PFKP: variants seen among roughly 807,000 people sequenced by gnomAD.
The protein encoded by PFKP is phosphofructokinase, platelet, also known as ATP-dependent 6-phosphofructokinase, platelet type.
A neutral mutation model predicts 94.3 loss-of-function variants in PFKP; 101 were observed. The observed-to-expected ratio is 1.07, with a 90% CI of 0.91 to 1.26. The LOEUF is 1.26. PFKP is among the 50% of genes most tolerant of loss of function. The pLI is 0.00. For missense variants in PFKP, 1,145 were observed against 1,103.3 expected, an observed-to-expected ratio of 1.04 and a Z score of -0.53; for synonymous variants, 573 against 432.6, an observed-to-expected ratio of 1.32 and a Z score of -4.03.
At chr10:3,125,828 C>G (rs1837889831) in intron 16 of PFKP, among the ~76,000 whole-genome samples, 1 of 152,222 alleles carries the variant, frequency 6.6e-6, no homozygotes, top group East Asian at 1.9e-4. Context: ...CTCTGACCTA[C>G]CTCTATGGTC....
intron 2 of PFKP, 110 bp downstream of exon 2, chr10:3,082,571 G>C (rs1833170534): frequency 4.6e-6 from 3 of 645,684 alleles, no homozygotes; most frequent in Admixed American, 3.2e-5. Flanking sequence ...CAGCCGAAGA[G>C]GTGGGCAGGG....
At chr10:3,133,849 C>T (rs898141569) in intron 19 of PFKP, among the ~76,000 whole-genome samples, 5 of 152,084 alleles carry the variant, frequency 3.3e-5, no homozygotes, top group Non-Finnish European at 5.9e-5. Flanking sequence ...ACAGTGATAC[C>T]CCCATTACTT....
chr10:3,108,641 A>G, intron 8 of PFKP, 60 bp from the exon 9 acceptor site: 1 of 1,265,288 alleles, frequency 7.9e-7, no homozygotes, highest in East Asian at 2.3e-5. Flanking sequence ...ACCTCCTTCC[A>G]GATCTGGGCT....
At chr10:3,070,351 C>T (rs527798148) in intron 1 of PFKP, 1 of 152,296 alleles carries the variant, frequency 6.6e-6, no homozygotes, top group African/African-American at 2.4e-5. Flanking sequence ...TCTCAGTGTC[C>T]CCATTCTTTT....
intron 1 of PFKP, among the ~76,000 whole-genome samples, chr10:3,075,230 G>C (rs1832486416): frequency 6.6e-6 from 1 of 151,616 alleles, no homozygotes; most frequent in Admixed American, 6.6e-5. Flanking sequence ...CTGGGCGTTA[G>C]GGCCGTTATG....
rs1033262232 is a variant in PFKP at position 3,099,493 on chromosome 10, T to C, written c.264+141T>C. 1.3e-5 allele frequency: 9 copies of C among 687,556 alleles called. No homozygotes were observed. In the Admixed American group the frequency reaches 1.7e-4, roughly 13 times the overall value. 42.6% of individuals were successfully genotyped at this position (687,556 alleles called of 1,614,324 possible). The stretch of plus-strand genomic sequence containing the variant: ...ACAGACTTTGTGAGCAGCTCTTTAC[T>C]TGTGGTTTGATTTTTAGAAATGCAT... On this transcript the variant is annotated intron_variant, in intron 3 of 21. Transcript: ENST00000381125.
chr10:3,126,739 A>G (rs1437304599), intron 16 of PFKP, among the ~76,000 whole-genome samples: 1 of 152,236 alleles, frequency 6.6e-6, no homozygotes, highest in Non-Finnish European at 1.5e-5. Flanking sequence ...TTCACCACCA[A>G]TTTATATTTC....
intron 16 of PFKP, 62 bp from the exon 17 acceptor site, chr10:3,129,757 T>C (rs1838347610): frequency 6.3e-7 from 1 of 1,575,656 alleles, no homozygotes; most frequent in Non-Finnish European, 8.7e-7. Context: ...TTGGGGGAGC[T>C]CTGGGATGGT....
chr10:3,100,930 G>C, intron 3 of PFKP: 2 of 1,607,996 alleles, frequency 1.2e-6, no homozygotes, highest in African/African-American at 1.4e-5. Flanking sequence ...GGTGCTGTAA[G>C]GGGTGACTGG....
chr10:3,075,105 A>C (rs1249709253), intron 1 of PFKP, among the ~76,000 whole-genome samples: 1 of 152,250 alleles, frequency 6.6e-6, no homozygotes, highest in East Asian at 1.9e-4. Flanking sequence ...GCATGTCCTT[A>C]AGGCACATAT....
chr10:3,111,737 C>G (rs933035335), intron 10 of PFKP, among the ~76,000 whole-genome samples: 1 of 152,140 alleles, frequency 6.6e-6, no homozygotes, highest in Non-Finnish European at 1.5e-5. Context: ...GTCCCAGCCC[C>G]GTGTCCCAGG....
rs545874542 is a variant in PFKP, at chr10:3,136,391, C to T, written c.2226-59C>T. Reference sequence around the variant, plus strand: ...AAGACCGCTCGCTGTGCTGGCCAGGCGGAGGCATCTCCCGCCAGTGACTGC... The same window carrying T: ...AAGACCGCTCGCTGTGCTGGCCAGGTGGAGGCATCTCCCGCCAGTGACTGC... On this transcript the variant is annotated intron_variant, in intron 21 of 21. Transcript: ENST00000381125. The T allele has an allele frequency of 2.3e-4, 371 of 1,588,020 alleles. 3 individuals carry two copies. The Middle Eastern group carries it at 3.4e-3, about 14-fold the overall frequency.
intron 1 of PFKP, among the ~76,000 whole-genome samples, chr10:3,076,409 G>A (rs1335733337): frequency 1.3e-5 from 2 of 152,034 alleles, no homozygotes; most frequent in Non-Finnish European, 2.9e-5. Flanking sequence ...TCTGCTACCT[G>A]AGCTCTTTCC....
chr10:3,070,509 G>A (rs189844396), intron 1 of PFKP, among the ~76,000 whole-genome samples: 9 of 152,206 alleles, frequency 5.9e-5, no homozygotes, highest in Admixed American at 4.6e-4. Context: ...GTAAAATTCC[G>A]TATATTAAGA....
rs758320458 is a variant in PFKP at position 3,129,976 on chromosome 10, A to G, written c.1841A>G (p.Asp614Gly). Reference sequence around the variant, plus strand: ...TTCGAAGAGCCCTTCGACATCAGGGATCTGCAGGTATGTGACGGGGCTGGC... The same window carrying G: ...TTCGAAGAGCCCTTCGACATCAGGGGTCTGCAGGTATGTGACGGGGCTGGC... ...YIFEEPFDIR[D>G]LQSNVEHLTE... Residue 614 changes from aspartate (D) to glycine (G), a missense_variant, in exon 17 of 22, where the codon GAT becomes GGT. Asp to Gly is a moderately conservative substitution (Grantham distance 94). This residue lies in a region of PFKP where 1,119 missense variants were observed against 1,062.8 expected (regional missense o/e 1.05). Transcript: ENST00000381125. 33 of 1,576,924 alleles carry G rather than the reference A, an allele frequency of 2.1e-5. No individual in the cohort carries two copies. The highest frequency in any genetic ancestry group is 2.8e-5 in the Non-Finnish European group (32 of 1,159,022).
intron 1 of PFKP, among the ~76,000 whole-genome samples, chr10:3,075,471 C>A (rs1832508239): frequency 6.6e-6 from 1 of 151,276 alleles, no homozygotes. Flanking sequence ...TTTGCAAATC[C>A]AGGCAGATCA....
intron 13 of PFKP, among the ~76,000 whole-genome samples, chr10:3,115,354 G>GAAAGTGTGTCCTGCAGCTGATTACA (rs1836697065): frequency 1.3e-5 from 1 of 76,362 alleles, no homozygotes; most frequent in Non-Finnish European, 3.6e-5. Flanking sequence ...TGGGGATGCT[G>GAAAGTGTGTCCTGCAGCTGATTACA]GAGTGAAGGT....
In PFKP at chr10:3,113,131, C is replaced by T. The variant is rs1021496286; in HGVS notation, c.1167C>T (p.Gly389=). 5.0e-6 allele frequency: 8 copies of T among 1,613,054 alleles called. No homozygotes were observed. The highest frequency in any genetic ancestry group is 2.2e-5 in the East Asian group (1 of 44,842). The change falls in exon 12 of 22, where the codon GGC becomes GGT. Residue 389 remains glycine (G), a synonymous_variant. Transcript: ENST00000381125. ...CCTTTTCCTTTAGGAGCTTTGCGGG[C>T]AACCTGAACACCTACAAGCGACTTG... The part of the protein sequence containing the change: ...AVRLRGRSFA[G]NLNTYKRLAI...
chr10:3,071,194 C>T (rs75366957), intron 1 of PFKP, among the ~76,000 whole-genome samples: 5,930 of 152,152 alleles, frequency 0.039, 181 homozygotes, highest in Non-Finnish European at 0.056. Flanking sequence ...CGGAAAATGC[C>T]TTTTTATAGT....
Sources: gnomAD v4.1 joint callset for allele counts (sites outside exome capture counted in the v4.1 genomes callset) on GRCh38, gnomAD v4.1.1 for gene constraint, gnomAD v4.1.1 regional missense constraint, MANE v1.5 for transcripts, NCBI Gene and HGNC (gene_info 2026-07-23, HGNC 2026-07-21) for gene names.